The following SLC44A5 variants were observed in gnomAD, a reference collection of about 807,000 sequenced individuals.
The protein encoded by SLC44A5 is solute carrier family 44 member 5, also known as choline transporter-like protein 5.
Under a neutral mutation model 101.8 loss-of-function variants are expected in SLC44A5, and 57 were observed. The ratio of observed to expected loss-of-function variants is 0.56; its 90% CI spans 0.45 to 0.70. The LOEUF (loss-of-function observed/expected upper bound fraction) is 0.70. SLC44A5 is among the 30% of genes least tolerant of loss of function. The probability of loss-of-function intolerance (pLI) is 0.00; values close to 1 mark genes in which losing one functional copy is unlikely to be tolerated. For synonymous variants in SLC44A5, 281 were observed against 290.9 expected (o/e 0.97, Z 0.35); for missense variants, 737 against 853.1 (o/e 0.86, Z 1.70).
chr1:75,624,503 T>C, the SLC44A5 span, among the ~76,000 whole-genome samples: 1 of 152,144 alleles, frequency 6.6e-6, no homozygotes, highest in Non-Finnish European at 1.5e-5. Context: ...CTAGAGGGGC[T>C]CTTCTCCAAT....
chr1:75,596,412 A>G (rs1490429452), intron 1 of SLC44A5, among the ~76,000 whole-genome samples: 1 of 152,092 alleles, frequency 6.6e-6, no homozygotes, highest in Non-Finnish European at 1.5e-5. Flanking sequence ...CTATTCCACA[A>G]AATTGAGGGA....
chr1:75,274,465 G>A (rs1007837805), intron 6 of SLC44A5, among the ~76,000 whole-genome samples: 2 of 152,106 alleles, frequency 1.3e-5, no homozygotes, highest in Non-Finnish European at 2.9e-5. Flanking sequence ...CAGCTACCCA[G>A]GGACATTGCC....
At chr1:75,389,175 T>G (rs936942959) in intron 3 of SLC44A5, among the ~76,000 whole-genome samples, 1 of 152,194 alleles carries the variant, frequency 6.6e-6, no homozygotes, top group Non-Finnish European at 1.5e-5. Flanking sequence ...GCACTCAGAT[T>G]CATAAAACAG....
chr1:75,214,701 T>A, intron 19 of SLC44A5, 23 bp from the exon 20 acceptor site: 1 of 1,594,858 alleles, frequency 6.3e-7, no homozygotes, highest in Non-Finnish European at 8.6e-7. Context: ...GTGGCTATTA[T>A]TCTGGAGCCA....
intron 2 of SLC44A5, chr1:75,402,534 A>C (rs971068634): frequency 8.9e-6 from 2 of 225,828 alleles, no homozygotes; most frequent in Non-Finnish European, 2.0e-5. Context: ...TAGCCCACAG[A>C]GGATGAGCTG....
intron 3 of SLC44A5, among the ~76,000 whole-genome samples, chr1:75,341,829 G>A (rs1657906631): frequency 6.6e-6 from 1 of 152,104 alleles, no homozygotes; most frequent in Non-Finnish European, 1.5e-5. Context: ...TGTCTGAATA[G>A]CTGAAATAGC....
At chr1:75,371,161 A>G (rs776631043) in intron 3 of SLC44A5, among the ~76,000 whole-genome samples, 1 of 152,224 alleles carries the variant, frequency 6.6e-6, no homozygotes, top group Non-Finnish European at 1.5e-5. Context: ...GGATGTGTCA[A>G]TGGGAAATTA....
Position 75,203,634 on chromosome 1 carries a change from G to C in SLC44A5, c.*93C>G, listed in dbSNP as rs1198041172. ...CCAACAAGGTCGTGAATACAGTGTT[G>C]CTAAACACAAAGCACTTATGAAACA... is the stretch of plus-strand genomic sequence containing the variant. On this transcript the variant is annotated 3_prime_UTR_variant, in exon 24 of 24. Transcript: ENST00000370859. 11 of 1,428,518 alleles carry C rather than the reference G, an allele frequency of 7.7e-6. No homozygotes were observed. The Admixed American group carries it at 8.1e-5, about 11-fold the overall frequency. 88.5% of individuals were successfully genotyped at this position (1,428,518 alleles called of 1,614,324 possible).
chr1:75,281,400 G>C (rs541907621), intron 5 of SLC44A5, among the ~76,000 whole-genome samples: 187 of 152,130 alleles, frequency 1.2e-3, no homozygotes, highest in African/African-American at 4.0e-3. Context: ...AGAGGATGTG[G>C]AGCATAAAAG....
the SLC44A5 span, among the ~76,000 whole-genome samples, chr1:75,657,093 G>A: frequency 6.6e-6 from 1 of 152,128 alleles, no homozygotes; most frequent in Admixed American, 6.6e-5. Flanking sequence ...AGGTTGCAGT[G>A]AGCTGAGATC....
chr1:75,706,337 A>T, the SLC44A5 span, among the ~76,000 whole-genome samples: 63 of 152,310 alleles, frequency 4.1e-4, no homozygotes, highest in Middle Eastern at 6.8e-3. Context: ...GTTCAAAAAA[A>T]TTTGATGAGG....
chr1:75,692,358 T>C, the SLC44A5 span, among the ~76,000 whole-genome samples: 1 of 151,900 alleles, frequency 6.6e-6, no homozygotes, highest in African/African-American at 2.4e-5. Context: ...CATGCCCAGC[T>C]AATTTTTTTT....
At chr1:75,208,158 GT>G (rs1553139968) in intron 23 of SLC44A5, among the ~76,000 whole-genome samples, 1 of 152,064 alleles carries the variant, frequency 6.6e-6, no homozygotes, top group Admixed American at 6.6e-5. Flanking sequence ...CAAATCTTCG[GT>G]TTTTTGTTTG....
intron 3 of SLC44A5, among the ~76,000 whole-genome samples, chr1:75,352,765 C>T (rs1366842301): frequency 6.6e-6 from 1 of 152,092 alleles, no homozygotes; most frequent in Non-Finnish European, 1.5e-5. Context: ...AATATATACC[C>T]CATACTACGT....
chr1:75,578,572 A>G (rs1297736227), intron 1 of SLC44A5, among the ~76,000 whole-genome samples: 1 of 152,184 alleles, frequency 6.6e-6, no homozygotes, highest in Non-Finnish European at 1.5e-5. Flanking sequence ...TATATGTGGA[A>G]TCTAAAACAG....
chr1:75,713,015 C>T, the SLC44A5 span, among the ~76,000 whole-genome samples: 1 of 152,202 alleles, frequency 6.6e-6, no homozygotes, highest in East Asian at 1.9e-4. Flanking sequence ...ACAACCTAGA[C>T]CTTGACTTTA....
chr1:75,260,828 C>G (rs1296457785), intron 6 of SLC44A5, among the ~76,000 whole-genome samples: 1 of 152,172 alleles, frequency 6.6e-6, no homozygotes, highest in Non-Finnish European at 1.5e-5. Context: ...AACAGTCTCT[C>G]AGACCACAGT....
chr1:75,249,206 G>A (rs1401032192), intron 7 of SLC44A5, among the ~76,000 whole-genome samples: 1 of 151,972 alleles, frequency 6.6e-6, no homozygotes, highest in Non-Finnish European at 1.5e-5. Context: ...TGAGGGAGAT[G>A]AGGAAGCAAA....
At chr1:75,303,139 G>T (rs1330082167) in intron 4 of SLC44A5, among the ~76,000 whole-genome samples, 11 of 152,096 alleles carry the variant, frequency 7.2e-5, no homozygotes, top group Non-Finnish European at 1.5e-4. Flanking sequence ...GCAAGTAGAG[G>T]TAAACATCTA....
Sources: gnomAD v4.1 joint callset for allele counts (sites outside exome capture counted in the v4.1 genomes callset) on GRCh38, gnomAD v4.1.1 for gene constraint, MANE v1.5 for transcripts, NCBI Gene and HGNC (gene_info 2026-07-23, HGNC 2026-07-21) for gene names.